Variants in CNTNAP2 observed in about 807,000 individuals in gnomAD.
CNTNAP2 encodes contactin associated protein 2.
CNTNAP2 carries 98 observed loss-of-function variants against 155.2 expected under a neutral mutation model. That is an observed-to-expected ratio of 0.63 (90% CI 0.54 to 0.75). CNTNAP2 has a LOEUF of 0.75. Ranked by LOEUF, CNTNAP2 falls within the 30% of genes least tolerant of loss-of-function variation. The probability of loss-of-function intolerance (pLI) is 0.00; values close to 1 mark genes in which losing one functional copy is unlikely to be tolerated. For synonymous variants in CNTNAP2, 651 were observed against 631.2 expected, an observed-to-expected ratio of 1.03 and a Z score of -0.47; for missense variants, 1,727 against 1,688.1, an observed-to-expected ratio of 1.02 and a Z score of -0.40.
At chr7:147,601,105 A>C (rs568142404) in intron 12 of CNTNAP2, among the ~76,000 whole-genome samples, 1 of 152,216 alleles carries the variant, frequency 6.6e-6, no homozygotes, top group East Asian at 1.9e-4. Flanking sequence ...CTCAGCCTCA[A>C]CAGGTTTCCA....
intron 13 of CNTNAP2, among the ~76,000 whole-genome samples, chr7:147,685,989 G>C (rs1252618569): frequency 2.0e-5 from 3 of 151,994 alleles, no homozygotes; most frequent in Admixed American, 1.3e-4. Context: ...TGCAATTAAA[G>C]GGGATGTTGA....
At chr7:147,436,914 A>G (rs1322002266) in intron 10 of CNTNAP2, among the ~76,000 whole-genome samples, 1 of 152,178 alleles carries the variant, frequency 6.6e-6, no homozygotes, top group Non-Finnish European at 1.5e-5. Context: ...AAAACTGACA[A>G]GAAGCTTTAA....
intron 13 of CNTNAP2, among the ~76,000 whole-genome samples, chr7:147,777,715 T>C (rs1797606750): frequency 6.6e-6 from 1 of 152,218 alleles, no homozygotes; most frequent in African/African-American, 2.4e-5. Flanking sequence ...TTATAAGGGC[T>C]TTTTATGCCT....
At chr7:146,940,272 T>C (rs751141949) in intron 3 of CNTNAP2, among the ~76,000 whole-genome samples, 3 of 151,966 alleles carry the variant, frequency 2.0e-5, no homozygotes, top group Admixed American at 1.3e-4. Context: ...GTGGCACGAT[T>C]TGGGCTCACT....
intron 13 of CNTNAP2, among the ~76,000 whole-genome samples, chr7:147,667,356 C>T (rs1338289937): frequency 6.6e-6 from 1 of 152,284 alleles, no homozygotes; most frequent in Admixed American, 6.5e-5. Flanking sequence ...GGGGCCAAGT[C>T]AATGCTGGAT....
At chr7:146,398,184 C>CT (rs34144986) in intron 1 of CNTNAP2, among the ~76,000 whole-genome samples, 5,588 of 106,990 alleles carry the variant, frequency 0.052, 222 homozygotes, top group African/African-American at 0.082. Context: ...CGGCCCCAAA[C>CT]TTTTTTTTTT....
chr7:146,299,207 G>A (rs987998999), intron 1 of CNTNAP2, among the ~76,000 whole-genome samples: 5 of 152,104 alleles, frequency 3.3e-5, no homozygotes, highest in African/African-American at 9.7e-5. Context: ...GGAGGTGGAG[G>A]TTGCAGTGAG....
At chr7:147,105,660 A>T (rs1406823905) in intron 4 of CNTNAP2, among the ~76,000 whole-genome samples, 1 of 152,088 alleles carries the variant, frequency 6.6e-6, no homozygotes, top group Non-Finnish European at 1.5e-5. Flanking sequence ...TATAATTTTC[A>T]AGCCAGCTCT....
At chr7:146,921,475 G>C (rs1796495918) in intron 3 of CNTNAP2, among the ~76,000 whole-genome samples, 1 of 152,076 alleles carries the variant, frequency 6.6e-6, no homozygotes, top group Admixed American at 6.6e-5. Context: ...ATGTACCCAA[G>C]ACTGGGTAAT....
intron 14 of CNTNAP2, among the ~76,000 whole-genome samples, chr7:147,930,083 G>A (rs1490848056): frequency 6.6e-6 from 1 of 151,904 alleles, no homozygotes; most frequent in African/African-American, 2.4e-5. Context: ...CCGGTCCATA[G>A]CCTGGGAGTT....
intron 1 of CNTNAP2, among the ~76,000 whole-genome samples, chr7:146,126,562 T>G (rs1797641033): frequency 6.6e-6 from 1 of 152,242 alleles, no homozygotes; most frequent in Non-Finnish European, 1.5e-5. Context: ...GTAAAATATT[T>G]CTTAAAATGC....
intron 1 of CNTNAP2, among the ~76,000 whole-genome samples, chr7:146,711,209 C>T (rs1373546109): frequency 6.7e-6 from 1 of 148,340 alleles, no homozygotes; most frequent in African/African-American, 2.5e-5. Context: ...CATACACACA[C>T]ATACACATAT....
chr7:147,292,342 A>G (rs1380045208), intron 8 of CNTNAP2, among the ~76,000 whole-genome samples: 1 of 152,174 alleles, frequency 6.6e-6, no homozygotes, highest in African/African-American at 2.4e-5. Flanking sequence ...ACAATTGACT[A>G]CCTACATGTG....
intron 3 of CNTNAP2, among the ~76,000 whole-genome samples, chr7:146,929,013 CAGACAAACTAAA>C (rs1465797748): frequency 6.6e-6 from 1 of 152,192 alleles, no homozygotes; most frequent in Non-Finnish European, 1.5e-5. Flanking sequence ...GGGCAGGGCA[CAGACAAACTAAA>C]AGACAGCAGT....
At chr7:148,391,085 G>A (rs1799336678) in intron 22 of CNTNAP2, among the ~76,000 whole-genome samples, 1 of 151,714 alleles carries the variant, frequency 6.6e-6, no homozygotes, top group Non-Finnish European at 1.5e-5. Flanking sequence ...TTTGGTTCTG[G>A]CACGCTTTTA....
chr7:147,428,658 T>C (rs144498376), intron 10 of CNTNAP2, among the ~76,000 whole-genome samples: 3 of 152,280 alleles, frequency 2.0e-5, no homozygotes, highest in African/African-American at 7.2e-5. Flanking sequence ...CTTTTGGAAC[T>C]TCCATTATTC....
intron 1 of CNTNAP2, among the ~76,000 whole-genome samples, chr7:146,162,369 A>T (rs960892390): frequency 3.3e-5 from 5 of 152,222 alleles, no homozygotes; most frequent in African/African-American, 1.2e-4. Flanking sequence ...CACTTCTCAA[A>T]AGAAGACGTT....
intron 3 of CNTNAP2, among the ~76,000 whole-genome samples, chr7:146,862,883 T>C (rs1272528621): frequency 6.6e-6 from 1 of 152,196 alleles, no homozygotes; most frequent in Non-Finnish European, 1.5e-5. Context: ...TTCCCCCAGT[T>C]ATTAAAAGTG....
chr7:147,285,561 A>G (rs1212124552), intron 8 of CNTNAP2, among the ~76,000 whole-genome samples: 2 of 151,942 alleles, frequency 1.3e-5, no homozygotes, highest in Non-Finnish European at 2.9e-5. Context: ...AATTGTCATT[A>G]TTTTCATTTT....
Sources: allele counts gnomAD v4.1 joint callset (sites outside exome capture counted in the v4.1 genomes callset), GRCh38; gene constraint gnomAD v4.1.1; transcripts MANE v1.5; gene names NCBI Gene and HGNC (gene_info 2026-07-23, HGNC 2026-07-21).